Variants in DENND2A observed in about 807,000 individuals in gnomAD.
The protein encoded by DENND2A is DENN domain-containing protein 2A.
DENND2A carries 53 observed loss-of-function variants against 105.3 expected under a neutral mutation model. That is an observed-to-expected ratio of 0.50 (90% CI 0.40 to 0.63). The LOEUF (loss-of-function observed/expected upper bound fraction) is 0.63, where lower values mean the gene tolerates loss of function less well. DENND2A is among the 30% of genes least tolerant of loss of function. DENND2A has a pLI of 0.00. For missense variants in DENND2A, 1,138 were observed against 1,279.6 expected (o/e 0.89, Z 1.69); for synonymous variants, 522 against 508.4 (o/e 1.03, Z -0.36).
At chr7:140,632,649 A>C (rs1320972600) in intron 1 of DENND2A, among the ~76,000 whole-genome samples, 2 of 151,942 alleles carry the variant, frequency 1.3e-5, no homozygotes, top group African/African-American at 4.8e-5. Context: ...GCTCACTGCA[A>C]CCTCTGCTTC....
intron 8 of DENND2A, 56 bp downstream of exon 8, chr7:140,568,707 C>T (rs1797970553): frequency 5.0e-6 from 8 of 1,593,690 alleles, no homozygotes; most frequent in Admixed American, 1.7e-5. Flanking sequence ...GGAGGGGCCA[C>T]CTTTGCAGCT....
intron 3 of DENND2A, among the ~76,000 whole-genome samples, chr7:140,591,227 T>A (rs1217107575): frequency 6.6e-6 from 1 of 151,698 alleles, no homozygotes; most frequent in Non-Finnish European, 1.5e-5. Context: ...AGCCAGGGAG[T>A]CGGAGGATGC....
At position 140,587,768 on chromosome 7, in the gene DENND2A, C is replaced by G; in HGVS notation, c.1008G>C (p.Glu336Asp). Residue 336 changes from glutamate (E) to aspartate (D), a missense_variant, in exon 4 of 20, where the codon GAG becomes GAC. Transcript: ENST00000496613. ...AGGAAGACTGCAGTAAATCTTCAAA[C>G]TCATAGGACTTTCTGGAATGTGCCA... ...KSSADHRKSY[E>D]FEDLLQSSSE... The G allele has an allele frequency of 6.3e-7, 1 of 1,588,778 alleles. No individual in the cohort carries two copies.
intron 1 of DENND2A, among the ~76,000 whole-genome samples, chr7:140,624,419 G>C (rs764739906): frequency 1.3e-5 from 2 of 152,242 alleles, no homozygotes; most frequent in Non-Finnish European, 2.9e-5. Context: ...CTGGCACAGA[G>C]AGGCCCCTCA....
At chr7:140,588,766 C>CTTTTTTTTTTTTT (rs34456581) in intron 3 of DENND2A, among the ~76,000 whole-genome samples, 1 of 136,846 alleles carries the variant, frequency 7.3e-6, no homozygotes. Flanking sequence ...TTTTTTGGCA[C>CTTTTTTTTTTTTT]TTTTTTTTTT....
chr7:140,554,536 T>C (rs1797280654), intron 12 of DENND2A, among the ~76,000 whole-genome samples: 1 of 152,092 alleles, frequency 6.6e-6, no homozygotes, highest in Non-Finnish European at 1.5e-5. Context: ...CTCAGGAGGC[T>C]GTGGCACAAG....
intron 1 of DENND2A, among the ~76,000 whole-genome samples, chr7:140,622,216 G>T (rs1800319993): frequency 6.6e-6 from 1 of 152,014 alleles, no homozygotes; most frequent in Non-Finnish European, 1.5e-5. Context: ...TGGCCAACAT[G>T]GTGAAACCGT....
chr7:140,609,050 C>T lies in DENND2A; in HGVS notation c.-247-3244G>A, dbSNP rs551325668. ...GGCTTCATGACAGCTTGAGTTTTTA[C>T]ACAACCCAAGGTTCCTTATTTCTTT... On this transcript the variant is annotated intron_variant, in intron 1 of 19. Transcript: ENST00000496613. 2.6e-5 allele frequency among the ~76,000 whole-genome samples: 4 copies of T among 152,320 alleles called. No individual in the cohort carries two copies. In the East Asian group the frequency reaches 5.8e-4, roughly 22 times the overall value.
Position 140,620,563 on chromosome 7 carries a change from C to T in DENND2A, c.-247-14757G>A, listed in dbSNP as rs965997925. Among the ~76,000 whole-genome samples, 5 of 152,226 alleles carry T rather than the reference C, an allele frequency of 3.3e-5. No homozygotes were observed. In the East Asian group the frequency reaches 9.7e-4, roughly 29 times the overall value. ...TAAGCATATATTATAATTGCTATTG[C>T]AAATACAGCAGGGGAGAGGGGGAAT... On this transcript the variant is annotated intron_variant, in intron 1 of 19. Coordinates refer to ENST00000496613, the MANE Select transcript of DENND2A (RefSeq NM_015689.5).
intron 1 of DENND2A, among the ~76,000 whole-genome samples, chr7:140,616,693 C>T (rs1384046332): frequency 2.6e-5 from 4 of 152,150 alleles, no homozygotes; most frequent in Non-Finnish European, 5.9e-5. Context: ...ACAAAGCTGA[C>T]TACCAGAGTA....
chr7:140,566,832 C>T (rs1008718772), intron 9 of DENND2A, among the ~76,000 whole-genome samples: 4 of 151,750 alleles, frequency 2.6e-5, no homozygotes, highest in African/African-American at 7.3e-5. Flanking sequence ...TGCAGGTGTG[C>T]GCCACCATGC....
At chr7:140,571,212 G>A (rs1301430119) in intron 6 of DENND2A, among the ~76,000 whole-genome samples, 2 of 152,130 alleles carry the variant, frequency 1.3e-5, no homozygotes, top group African/African-American at 2.4e-5. Context: ...AGGCTGGAGT[G>A]CAGTGGCGTG....
At chr7:140,576,173 C>T (rs1261408362) in intron 5 of DENND2A, among the ~76,000 whole-genome samples, 1 of 151,966 alleles carries the variant, frequency 6.6e-6, no homozygotes, top group Non-Finnish European at 1.5e-5. Context: ...ATGAGCTCTA[C>T]ATAGAACAGA....
At chr7:140,522,363 G>A (rs1795890556) in intron 17 of DENND2A, among the ~76,000 whole-genome samples, 1 of 152,048 alleles carries the variant, frequency 6.6e-6, no homozygotes, top group Non-Finnish European at 1.5e-5. Flanking sequence ...GCCCAGGCTG[G>A]AGTGCAGTGG....
Position 140,602,079 on chromosome 7 carries a change from C to T in DENND2A, c.319G>A (p.Glu107Lys). The T allele has an allele frequency of 6.2e-7, 1 of 1,614,206 alleles. No individual in the cohort carries two copies. The highest frequency in any genetic ancestry group is 8.5e-7 in the Non-Finnish European group (1 of 1,180,028). Reference protein sequence around the residue: ...NGMRPGTESTEKERNKGAVNV... With the variant: ...NGMRPGTESTKKERNKGAVNV... The stretch of plus-strand genomic sequence containing the variant: ...ACTGCTCCTTTATTCCTCTCCTTCT[C>T]TGTGCTCTCTGTTCCTGGCCTCATT... The change falls in exon 3 of 20, where the codon GAG becomes AAG. Residue 107 changes from glutamate (E) to lysine (K), a missense_variant. By Grantham distance (56) the Glu-to-Lys change is moderately conservative. Around this residue, in one of 2 missense-constraint regions of DENND2A, gnomAD observed 511 missense variants for 499.9 expected, o/e 1.02. Coordinates refer to ENST00000496613, the MANE Select transcript of DENND2A (RefSeq NM_015689.5).
chr7:140,519,858 G>A (rs1795790255), intron 18 of DENND2A, 140 bp from the exon 19 acceptor site: 3 of 731,626 alleles, frequency 4.1e-6, no homozygotes, highest in African/African-American at 3.5e-5. Flanking sequence ...GAATCAGGAG[G>A]TTTTATAAGG....
In DENND2A at chr7:140,567,241, G is replaced by A. The variant is rs779473145; in HGVS notation, c.1624C>T (p.Arg542Trp). 9.9e-6 allele frequency: 16 copies of A among 1,611,980 alleles called. No individual in the cohort carries two copies. The highest frequency in any genetic ancestry group is 4.5e-5 in the East Asian group (2 of 44,852). The change falls in exon 9 of 20, where the codon CGG becomes TGG. Residue 542 changes from arginine (R) to tryptophan (W), a missense_variant. Transcript: ENST00000496613. ...HSQRLVNVKS[R>W]LKQAPRYPSL... ...GGGTACCGAGGCGCCTGCTTCAGCCGGGACTTCACGTTGACCAGGCGCTGG... is the reference window on the plus strand; with the variant it reads ...GGGTACCGAGGCGCCTGCTTCAGCCAGGACTTCACGTTGACCAGGCGCTGG...
intron 6 of DENND2A, among the ~76,000 whole-genome samples, chr7:140,571,234 C>A (rs1563149770): frequency 6.6e-6 from 1 of 152,144 alleles, no homozygotes; most frequent in African/African-American, 2.4e-5. Context: ...TCTTGGCTCA[C>A]CACAACCTCC....
At chr7:140,583,070 T>C (rs1798607869) in intron 5 of DENND2A, among the ~76,000 whole-genome samples, 1 of 151,676 alleles carries the variant, frequency 6.6e-6, no homozygotes, top group South Asian at 2.1e-4. Flanking sequence ...GGCGGGTAGA[T>C]CATGAGGTCA....
Sources: allele counts gnomAD v4.1 joint callset (sites outside exome capture counted in the v4.1 genomes callset), GRCh38; gene constraint gnomAD v4.1.1; regional missense constraint gnomAD v4.1.1; transcripts MANE v1.5; gene names NCBI Gene and HGNC (gene_info 2026-07-23, HGNC 2026-07-21).